ANKRD11: variants seen among roughly 807,000 people sequenced by gnomAD.
ANKRD11 encodes the protein ankyrin repeat domain 11.
Under a neutral mutation model 195.7 loss-of-function variants are expected in ANKRD11, and 17 were observed. The ratio of observed to expected loss-of-function variants is 0.09; its 90% CI spans 0.06 to 0.13. The LOEUF (loss-of-function observed/expected upper bound fraction) is 0.13. ANKRD11 is among the 10% of genes least tolerant of loss of function. The probability of loss-of-function intolerance (pLI) is 1.00; values close to 1 mark genes in which losing one functional copy is unlikely to be tolerated. For synonymous variants in ANKRD11, 1,953 were observed against 1,528.1 expected (o/e 1.28, Z -6.49); for missense variants, 3,735 against 3,566.1 (o/e 1.05, Z -1.21).
At chr16:89,360,935 G>A (rs1361534250) in intron 2 of ANKRD11, among the ~76,000 whole-genome samples, 2 of 152,078 alleles carry the variant, frequency 1.3e-5, no homozygotes, top group East Asian at 1.9e-4. Context: ...AGCCTGTGTC[G>A]GGACTTGGCC....
At chr16:89,447,678 C>T (rs542735393) in intron 1 of ANKRD11, among the ~76,000 whole-genome samples, 2 of 152,208 alleles carry the variant, frequency 1.3e-5, no homozygotes, top group African/African-American at 4.8e-5. Context: ...CATCCGGACA[C>T]GCAGGCCCTC....
chr16:89,441,577 C>A (rs1317708533), intron 1 of ANKRD11, among the ~76,000 whole-genome samples: 1 of 151,834 alleles, frequency 6.6e-6, no homozygotes, highest in Non-Finnish European at 1.5e-5. Context: ...ACCATCCTGG[C>A]TAACATGGTA....
chr16:89,430,791 A>G (rs2042945137), intron 1 of ANKRD11, among the ~76,000 whole-genome samples: 2 of 152,166 alleles, frequency 1.3e-5, no homozygotes, highest in South Asian at 4.1e-4. Context: ...ACCAAAATGA[A>G]TTGTTTCTTT....
chr16:89,486,503 G>C (rs1175765716), intron 1 of ANKRD11, among the ~76,000 whole-genome samples: 1 of 151,888 alleles, frequency 6.6e-6, no homozygotes, highest in Non-Finnish European at 1.5e-5. Context: ...AGACGCAAAG[G>C]CTGAGTAGGA....
rs371209227 is a variant in ANKRD11 at position 89,307,618 on chromosome 16, A to T, written c.88-2274T>A. On this transcript the variant is annotated intron_variant, in intron 3 of 12. Coordinates refer to ENST00000301030, the MANE Select transcript of ANKRD11 (RefSeq NM_013275.6). Reference sequence around the variant, plus strand: ...CCTCCGGAGGGTTAACACCCACCCCAGCAGTGCAGGTCCTCCCGGCCCTCG... The same window carrying T: ...CCTCCGGAGGGTTAACACCCACCCCTGCAGTGCAGGTCCTCCCGGCCCTCG... 2.6e-5 allele frequency among the ~76,000 whole-genome samples: 4 copies of T among 152,148 alleles called. No individual in the cohort carries two copies. In the South Asian group the frequency reaches 8.3e-4, roughly 31 times the overall value.
chr16:89,308,296 C>T (rs867807968), intron 3 of ANKRD11, among the ~76,000 whole-genome samples: 1 of 152,186 alleles, frequency 6.6e-6, no homozygotes, highest in East Asian at 1.9e-4. Flanking sequence ...AAGAAAACCA[C>T]GTGCTCATGT....
chr16:89,291,732 G>A lies in ANKRD11; in HGVS notation c.227-549C>T. On this transcript the variant is annotated intron_variant, in intron 4 of 12. Transcript: ENST00000301030. This position sits in a 1 kb window ranked among gnomAD's most constrained non-coding sequence, Gnocchi z 5.3. ...ATCTCATGCCATGGTGCTTCGAGGA[G>A]CGTACCAGCCTTGCAGCACCACAAC... is the stretch of plus-strand genomic sequence containing the variant. The A allele has an allele frequency of 1.6e-6, 2 of 1,289,866 alleles. No homozygotes were observed. Among genetic ancestry groups the A allele is most frequent in the Non-Finnish European group, 2.0e-6 (2 of 988,888 alleles). The allele number at this position is 1,289,866 out of a possible 1,614,324, so 79.9% of individuals were successfully genotyped here. A position where few individuals can be genotyped will look rare whatever the true frequency, so the allele number is the denominator to read the frequency against.
At chr16:89,432,980 CT>C (rs1378263715) in intron 1 of ANKRD11, among the ~76,000 whole-genome samples, 38 of 143,490 alleles carry the variant, frequency 2.6e-4, no homozygotes, top group Admixed American at 6.9e-4. Flanking sequence ...CTCTCTCTCT[CT>C]CTCTCTCTCC....
At chr16:89,479,236 C>T (rs2057358792) in intron 1 of ANKRD11, among the ~76,000 whole-genome samples, 1 of 151,786 alleles carries the variant, frequency 6.6e-6, no homozygotes, top group Non-Finnish European at 1.5e-5. Flanking sequence ...GACGGCCAGA[C>T]GCAGTGGCGA....
chr16:89,427,233 A>G (rs890843430), intron 1 of ANKRD11, among the ~76,000 whole-genome samples: 1 of 152,256 alleles, frequency 6.6e-6, no homozygotes, highest in Admixed American at 6.5e-5. Flanking sequence ...GCACCCTGTA[A>G]CCACAAAACA....
chr16:89,327,419 G>A (rs1378766376), intron 2 of ANKRD11, among the ~76,000 whole-genome samples: 1 of 151,992 alleles, frequency 6.6e-6, no homozygotes, highest in Non-Finnish European at 1.5e-5. Flanking sequence ...AGGAAGAAAT[G>A]GAATAAAACT....
At chr16:89,292,373 G>C (rs193165534) in intron 4 of ANKRD11, among the ~76,000 whole-genome samples, 1 of 152,288 alleles carries the variant, frequency 6.6e-6, no homozygotes, top group Non-Finnish European at 1.5e-5. Flanking sequence ...GTCTTAACTA[G>C]TCTCTCAGCT....
At chr16:89,431,010 T>A (rs1301028736) in intron 1 of ANKRD11, among the ~76,000 whole-genome samples, 1 of 152,060 alleles carries the variant, frequency 6.6e-6, no homozygotes, top group African/African-American at 2.4e-5. Context: ...CATCCCGGCC[T>A]CTTCCTAAGA....
At chr16:89,316,450 T>C (rs1286740274) in intron 3 of ANKRD11, among the ~76,000 whole-genome samples, 41 of 152,132 alleles carry the variant, frequency 2.7e-4, no homozygotes, top group Non-Finnish European at 2.1e-4. Flanking sequence ...CCCCCCACAC[T>C]GCAAGGCAGG....
rs1198217812 is a variant in ANKRD11 at position 89,295,984 on chromosome 16, C to T, written c.227-4801G>A. Among the ~76,000 whole-genome samples the T allele has an allele frequency of 1.5e-3, 27 of 18,226 alleles. 1 individual carries two copies. Among genetic ancestry groups the T allele is most frequent in the East Asian group, 3.1e-3 (4 of 1,286 alleles). The allele number at this position is 18,226 out of a possible 152,430, so 12.0% of individuals were successfully genotyped here. ...AGGGAGTGTCTTCTCTATCTGGCTG[C>T]CTTTTTTTTTTTTTTTTTTTTTGAG... is the stretch of plus-strand genomic sequence containing the variant. On this transcript the variant is annotated intron_variant, in intron 4 of 12. Transcript: ENST00000301030.
intron 4 of ANKRD11, among the ~76,000 whole-genome samples, chr16:89,297,182 A>C (rs915776813): frequency 1.3e-5 from 2 of 152,058 alleles, no homozygotes; most frequent in Non-Finnish European, 2.9e-5. Flanking sequence ...TAGCACCTCT[A>C]ATTTCTAGGC....
intron 4 of ANKRD11, chr16:89,297,831 T>G (rs917696687): frequency 1.3e-5 from 2 of 152,204 alleles, no homozygotes; most frequent in Admixed American, 1.3e-4. Context: ...ATTGATCACT[T>G]AAAGAAAGAC....
chr16:89,384,879 CTTTTTTTTTTTTTTTTTTT>C (rs869271846), intron 2 of ANKRD11, among the ~76,000 whole-genome samples: 1 of 49,910 alleles, frequency 2.0e-5, no homozygotes, highest in African/African-American at 7.9e-5. Context: ...AAATAGTTTT[CTTTTTTTTTTTTTTTTTTT>C]TTTTTTTTTG....
chr16:89,285,366 AGTG>A lies in ANKRD11; in HGVS notation c.1173_1175del (p.Thr392del), dbSNP rs1367492419. 1 of 1,613,858 alleles carries A rather than the reference AGTG, an allele frequency of 6.2e-7. No individual in the cohort carries two copies. Among genetic ancestry groups the A allele is most frequent in the African/African-American group, 1.3e-5 (1 of 74,874 alleles). On this transcript the variant is annotated inframe_deletion, in exon 9 of 13. Transcript: ENST00000301030. The surrounding 1 kb of genome is among the most constrained non-coding windows in gnomAD (Gnocchi z 5.6). ...TCTTTGGTGCAATCGTGTTATTTTT[AGTG>A]TAACTTTTAACCTCCATTTTGGGTA...
Sources: gnomAD v4.1 joint callset for allele counts (sites outside exome capture counted in the v4.1 genomes callset) on GRCh38, gnomAD v4.1.1 for gene constraint, Gnocchi (gnomAD v3.1) non-coding constraint, MANE v1.5 for transcripts, NCBI Gene and HGNC (gene_info 2026-07-23, HGNC 2026-07-21) for gene names.